The following FHIT variants were observed in gnomAD, a reference collection of about 807,000 sequenced individuals.
FHIT encodes the protein fragile histidine triad diadenosine triphosphatase, also known as bis(5'-adenosyl)-triphosphatase.
Under a neutral mutation model 17.9 loss-of-function variants are expected in FHIT, and 19 were observed. That is an observed-to-expected ratio of 1.06 (90% CI 0.74 to 1.56). FHIT has a LOEUF of 1.56. FHIT is among the 40% of genes most tolerant of loss of function. The pLI is 0.00. For synonymous variants in FHIT, 81 were observed against 69.7 expected (o/e 1.16, Z -0.81); for missense variants, 248 against 189.2 (o/e 1.31, Z -1.82).
intron 3 of FHIT, among the ~76,000 whole-genome samples, chr3:60,909,991 A>G (rs1706645995): frequency 1.3e-5 from 2 of 152,136 alleles, no homozygotes; most frequent in African/African-American, 4.8e-5. Flanking sequence ...TCCTAGATCT[A>G]TAAGAGTAGG....
At chr3:60,518,615 T>C (rs1033610632) in intron 5 of FHIT, among the ~76,000 whole-genome samples, 4 of 152,224 alleles carry the variant, frequency 2.6e-5, no homozygotes, top group African/African-American at 9.6e-5. Flanking sequence ...CCAAAGATCC[T>C]GTACCAAAAT....
intron 5 of FHIT, among the ~76,000 whole-genome samples, chr3:60,064,902 T>C (rs67136973): frequency 0.24 from 37,172 of 151,998 alleles, 5,360 homozygotes; most frequent in African/African-American, 0.4. Flanking sequence ...AATCTTCCCA[T>C]TGCATATGAA....
chr3:60,159,517 T>G (rs879865263), intron 5 of FHIT, among the ~76,000 whole-genome samples: 2 of 151,832 alleles, frequency 1.3e-5, no homozygotes, highest in Admixed American at 1.3e-4. Context: ...TATAAGGGGG[T>G]AGAAAGGAAG....
At chr3:59,814,562 G>A (rs1358896014) in intron 8 of FHIT, among the ~76,000 whole-genome samples, 1 of 152,154 alleles carries the variant, frequency 6.6e-6, no homozygotes, top group Non-Finnish European at 1.5e-5. Flanking sequence ...ATCAAATGTC[G>A]AAATTTGAGA....
At chr3:60,896,964 C>T (rs1430522523) in intron 3 of FHIT, among the ~76,000 whole-genome samples, 1 of 152,142 alleles carries the variant, frequency 6.6e-6, no homozygotes, top group Non-Finnish European at 1.5e-5. Context: ...CTAGTTTATC[C>T]TTCCTGTGTA....
intron 8 of FHIT, among the ~76,000 whole-genome samples, chr3:59,787,892 AC>A (rs1457897007): frequency 2.0e-5 from 3 of 152,064 alleles, no homozygotes; most frequent in Non-Finnish European, 2.9e-5. Flanking sequence ...TTTTCTACAA[AC>A]CCTTCCTAGC....
intron 5 of FHIT, 138 bp downstream of exon 5, chr3:60,536,722 C>T (rs533580886): frequency 2.0e-5 from 17 of 846,786 alleles, no homozygotes; most frequent in African/African-American, 1.2e-4. Flanking sequence ...TACCTGGTGT[C>T]TCCGAAGTGG....
At chr3:60,652,972 A>C (rs1553688707) in intron 4 of FHIT, among the ~76,000 whole-genome samples, 1 of 151,982 alleles carries the variant, frequency 6.6e-6, no homozygotes, top group Admixed American at 6.6e-5. Context: ...ACTCTAGCAC[A>C]TTGCGATTCC....
chr3:60,474,699 C>T (rs2033258149), intron 5 of FHIT, among the ~76,000 whole-genome samples: 1 of 151,898 alleles, frequency 6.6e-6, no homozygotes, highest in African/African-American at 2.4e-5. Flanking sequence ...TCTCGGCTCA[C>T]CACAACCTCT....
intron 5 of FHIT, among the ~76,000 whole-genome samples, chr3:60,259,202 A>C (rs767765098): frequency 1.3e-5 from 2 of 152,104 alleles, no homozygotes; most frequent in African/African-American, 4.8e-5. Flanking sequence ...GAAATAGAAG[A>C]AGTGGGCAGA....
intron 5 of FHIT, among the ~76,000 whole-genome samples, chr3:60,203,259 A>T (rs1190649463): frequency 6.6e-6 from 1 of 152,206 alleles, no homozygotes; most frequent in Non-Finnish European, 1.5e-5. Context: ...ACAACCACCA[A>T]ATAATTAAGA....
chr3:59,890,206 G>A (rs1046607323), intron 8 of FHIT, among the ~76,000 whole-genome samples: 1 of 151,972 alleles, frequency 6.6e-6, no homozygotes, highest in African/African-American at 2.4e-5. Context: ...CAGGGCTCTG[G>A]AGGCCTCTTT....
rs539777038 is a variant in FHIT, at chr3:59,904,888, T to C, written c.348+17458A>G. On this transcript the variant is annotated intron_variant, in intron 8 of 9. Transcript: ENST00000492590. ...GCTGATTTGTTTGTGAGTCTGCAAATAAGTCTAAAGCAAAGACACCACTCA... is the reference window on the plus strand; with the variant it reads ...GCTGATTTGTTTGTGAGTCTGCAAACAAGTCTAAAGCAAAGACACCACTCA... 2.0e-5 allele frequency among the ~76,000 whole-genome samples: 3 copies of C among 152,214 alleles called. No homozygotes were observed. In the South Asian group the frequency reaches 6.2e-4, roughly 32 times the overall value.
intron 4 of FHIT, among the ~76,000 whole-genome samples, chr3:60,752,221 G>A (rs1553717020): frequency 6.6e-6 from 1 of 152,126 alleles, no homozygotes; most frequent in Non-Finnish European, 1.5e-5. Flanking sequence ...TTCACTGGGG[G>A]TGGGGGAACA....
At chr3:61,059,385 T>C (rs2034345464) in intron 2 of FHIT, among the ~76,000 whole-genome samples, 1 of 149,292 alleles carries the variant, frequency 6.7e-6, no homozygotes, top group South Asian at 2.1e-4. Flanking sequence ...TTTTTTTTTT[T>C]TTTTTTTTTT....
At chr3:61,077,736 C>A (rs2035014868) in intron 2 of FHIT, among the ~76,000 whole-genome samples, 1 of 152,170 alleles carries the variant, frequency 6.6e-6, no homozygotes, top group African/African-American at 2.4e-5. Context: ...ACATCCCACA[C>A]TTCACCCATC....
At chr3:60,576,357 T>C (rs1234541864) in intron 4 of FHIT, among the ~76,000 whole-genome samples, 3 of 152,070 alleles carry the variant, frequency 2.0e-5, no homozygotes, top group African/African-American at 7.2e-5. Flanking sequence ...GAGAGAGCTC[T>C]GAGTTTAATA....
rs182451718 is a variant in FHIT, at chr3:60,538,159, A to C, written c.-17-1180T>G. On this transcript the variant is annotated intron_variant, in intron 4 of 9. Coordinates refer to ENST00000492590, the MANE Select transcript of FHIT (RefSeq NM_002012.4). The stretch of plus-strand genomic sequence containing the variant: ...TATACACCAATAACAGACAACAGAG[A>C]GCAAACTCATGAGTGAACTCCCATT... Among the ~76,000 whole-genome samples, 49 of 152,308 alleles carry C rather than the reference A, an allele frequency of 3.2e-4. 1 individual carries two copies. The highest frequency in any genetic ancestry group is 2.6e-3 in the Admixed American group (40 of 15,302).
intron 5 of FHIT, among the ~76,000 whole-genome samples, chr3:60,496,568 G>A (rs1038205401): frequency 6.6e-6 from 1 of 152,114 alleles, no homozygotes; most frequent in African/African-American, 2.4e-5. Context: ...CACTTAATTA[G>A]GACTATAGAA....
Sources: gnomAD v4.1 joint callset for allele counts (sites outside exome capture counted in the v4.1 genomes callset) on GRCh38, gnomAD v4.1.1 for gene constraint, MANE v1.5 for transcripts, NCBI Gene and HGNC (gene_info 2026-07-23, HGNC 2026-07-21) for gene names.